The following TRANK1 variants were observed in gnomAD, a reference collection of about 807,000 sequenced individuals.
TRANK1 encodes tetratricopeptide repeat and ankyrin repeat containing 1, also known as TPR and ankyrin repeat-containing protein 1.
TRANK1 carries 198 observed loss-of-function variants against 266.0 expected under a neutral mutation model. The observed-to-expected ratio is 0.74, with a 90% CI of 0.66 to 0.84. The LOEUF (loss-of-function observed/expected upper bound fraction) is 0.84, where lower values mean the gene tolerates loss of function less well. Among genes scored for constraint, TRANK1 ranks in the 40% least tolerant of loss-of-function variants. TRANK1 has a pLI of 0.00. For missense variants in TRANK1, 3,326 were observed against 3,634.6 expected (o/e 0.92, Z 2.18); for synonymous variants, 1,396 against 1,384.1 (o/e 1.01, Z -0.19).
intron 1 of TRANK1, among the ~76,000 whole-genome samples, chr3:36,919,499 A>G (rs932125218): frequency 2.0e-5 from 3 of 152,344 alleles, no homozygotes; most frequent in African/African-American, 7.2e-5. Context: ...TTTTATTAAT[A>G]TACCACAATT....
intron 1 of TRANK1, among the ~76,000 whole-genome samples, chr3:36,942,797 C>T (rs796626078): frequency 1.5e-4 from 22 of 150,786 alleles, no homozygotes; most frequent in African/African-American, 4.4e-4. Flanking sequence ...GGGAGAGCGG[C>T]GGAAACAGAA....
chr3:36,881,819 G>A (rs371113911), intron 8 of TRANK1, among the ~76,000 whole-genome samples: 12 of 152,086 alleles, frequency 7.9e-5, no homozygotes, highest in African/African-American at 1.4e-4. Context: ...TCCTTATTCC[G>A]GACATTTCAT....
intron 1 of TRANK1, among the ~76,000 whole-genome samples, chr3:36,925,933 G>T (rs904261198): frequency 2.0e-5 from 3 of 152,072 alleles, no homozygotes; most frequent in African/African-American, 4.8e-5. Context: ...TCTACTGCAG[G>T]CTCTCAGTAA....
chr3:36,833,712 GT>G lies in TRANK1; in HGVS notation c.5870del (p.Asn1957ThrfsTer12), dbSNP rs1240043015. 2 of 1,613,994 alleles carry G rather than the reference GT, an allele frequency of 1.2e-6. No homozygotes were observed. The highest frequency in any genetic ancestry group is 3.3e-5 in the Admixed American group (2 of 60,020). On this transcript the variant is annotated frameshift_variant, in exon 22 of 24. Transcript: ENST00000645898. LOFTEE classifies it high-confidence loss of function. ...CAGCCTCTTCTCTCCTACCTTCCCTGTTCAGCAGGTCTGCAGCTTCTGCTAA... is the reference window on the plus strand; with the variant it reads ...CAGCCTCTTCTCTCCTACCTTCCCTGTCAGCAGGTCTGCAGCTTCTGCTAA... Reference protein sequence around the residue: ...KRLAEAADLLNREGRREEAAL... With the variant: ...KRLAEAADLLXREGRREEAAL...
intron 16 of TRANK1, 25 bp from the exon 17 acceptor site, chr3:36,846,429 A>G: frequency 6.3e-7 from 1 of 1,597,258 alleles, no homozygotes; most frequent in Non-Finnish European, 8.5e-7. Context: ...GAGGACAAAG[A>G]TGATGAGCCA....
intron 22 of TRANK1, 139 bp downstream of exon 22, chr3:36,830,734 A>G (rs2078681119): frequency 2.1e-6 from 2 of 974,234 alleles, no homozygotes; most frequent in African/African-American, 1.6e-5. Context: ...GAGAATATAT[A>G]TTCCTCATTT....
intron 4 of TRANK1, among the ~76,000 whole-genome samples, chr3:36,896,214 G>A (rs567322733): frequency 4.0e-4 from 61 of 152,254 alleles, no homozygotes; most frequent in Admixed American, 1.8e-3. Flanking sequence ...GTTAGTTCAT[G>A]ACAAGAAACA....
intron 9 of TRANK1, among the ~76,000 whole-genome samples, chr3:36,866,941 C>T (rs980766314): frequency 9.2e-5 from 14 of 152,164 alleles, no homozygotes; most frequent in Non-Finnish European, 1.3e-4. Flanking sequence ...CCGGGGCAAA[C>T]ACTCATTGCC....
intron 12 of TRANK1, among the ~76,000 whole-genome samples, chr3:36,858,455 A>G (rs2079089821): frequency 6.6e-6 from 1 of 152,140 alleles, no homozygotes; most frequent in South Asian, 2.1e-4. Context: ...ATATAAATAA[A>G]TGGAAAGTAT....
At position 36,855,791 on chromosome 3, in the gene TRANK1, G is replaced by T. The variant is rs766366207; in HGVS notation, c.3931C>A (p.Arg1311Ser). Residue 1311 changes from arginine to serine, a missense_variant, in exon 13 of 24, where the codon CGT (arginine) becomes AGT (serine). Transcript: ENST00000645898. Reference protein sequence around the residue: ...YSEEDKAVEMRTGDSDPRVYV... With the variant: ...YSEEDKAVEMSTGDSDPRVYV... ...ACCCGGGGGTCACTGTCACCCGTACGCATTTCTACAGCTTTATCCTCCTCA... is the reference window on the plus strand; with the variant it reads ...ACCCGGGGGTCACTGTCACCCGTACTCATTTCTACAGCTTTATCCTCCTCA... 18 of 1,613,516 alleles carry T rather than the reference G, an allele frequency of 1.1e-5. No individual in the cohort carries two copies. In the Admixed American group the frequency reaches 3.0e-4, roughly 27 times the overall value.
chr3:36,832,921 A>G lies in TRANK1; in HGVS notation c.6662T>C (p.Leu2221Ser). The G allele has an allele frequency of 3.7e-6, 6 of 1,613,616 alleles. No individual in the cohort carries two copies. The South Asian group carries it at 5.5e-5, about 15-fold the overall frequency. ...RPLRRCEAKCLVQSKMNLVAI... is the reference protein window; with the variant it reads ...RPLRRCEAKCSVQSKMNLVAI... ...CACCAAGTTCATTTTCGACTGAACT[A>G]AACACTTGGCTTCACAACGCCGCAG... The change falls in exon 22 of 24, where the codon TTA becomes TCA. Residue 2221 changes from leucine (L) to serine (S), a missense_variant. Leu to Ser is a moderately radical substitution (Grantham distance 145). Coordinates refer to ENST00000645898, the MANE Select transcript of TRANK1 (RefSeq NM_001329998.2).
In TRANK1 at chr3:36,832,361, G is replaced by A. The variant is rs765472124; in HGVS notation, c.7222C>T (p.Arg2408Trp). 25 of 1,613,926 alleles carry A rather than the reference G, an allele frequency of 1.5e-5. No individual in the cohort carries two copies. The East Asian group carries it at 1.6e-4, about 10-fold the overall frequency. Reference sequence around the variant, plus strand: ...TGATCAATGCAATTCTCCAGAAGCCGGATGAAGCACAGGTGGGTCTTGTCC... The same window carrying A: ...TGATCAATGCAATTCTCCAGAAGCCAGATGAAGCACAGGTGGGTCTTGTCC... The part of the protein sequence containing the change: ...NMDKTHLCFI[R>W]LLENCIDQFY... Residue 2408 changes from arginine (R) to tryptophan (W), a missense_variant, in exon 22 of 24, where the codon CGG becomes TGG. Physicochemically the swap from Arg to Trp is moderately radical, Grantham distance 101 (BLOSUM62 -3). Transcript: ENST00000645898.
Position 36,856,193 on chromosome 3 carries a change from C to G in TRANK1, c.3529G>C (p.Glu1177Gln). Residue 1177 changes from glutamate to glutamine, a missense_variant, in exon 13 of 24, where the codon GAA (glutamate) becomes CAA (glutamine). By Grantham distance (29) the Glu-to-Gln change is conservative. Transcript: ENST00000645898. ...VEPAGDGQAA[E>Q]VCAPEHPHQL... ...TGGGGATGTTCTGGTGCACATACTT[C>G]TGCAGCTTGGCCGTCCCCTGCTGGC... 6.2e-7 allele frequency: 1 copy of G among 1,613,974 alleles called. No homozygotes were observed. The highest frequency in any genetic ancestry group is 8.5e-7 in the Non-Finnish European group (1 of 1,179,892).
In TRANK1 at chr3:36,944,851, G is replaced by C. The variant is rs1395000245; in HGVS notation, c.-42C>G. 6.9e-7 allele frequency: 1 copy of C among 1,440,800 alleles called. No individual in the cohort carries two copies. Among genetic ancestry groups the C allele is most frequent in the African/African-American group, 1.5e-5 (1 of 67,198 alleles). 89.3% of individuals were successfully genotyped at this position (1,440,800 alleles called of 1,614,324 possible). ...TCCGCACCAGGACCGCCGCCGCCTG[G>C]GGAAGCGCTTCCCTGTGGGCAGGGC... On this transcript the variant is annotated 5_prime_UTR_variant, in exon 1 of 24. Coordinates refer to ENST00000645898, the MANE Select transcript of TRANK1 (RefSeq NM_001329998.2).
intron 1 of TRANK1, among the ~76,000 whole-genome samples, chr3:36,931,246 C>A (rs144870438): frequency 6.7e-6 from 1 of 150,310 alleles, no homozygotes; most frequent in Non-Finnish European, 1.5e-5. Flanking sequence ...CAGCACCCCC[C>A]CAAAAAACAA....
intron 1 of TRANK1, among the ~76,000 whole-genome samples, chr3:36,915,318 T>C (rs2080109846): frequency 6.6e-6 from 1 of 152,256 alleles, no homozygotes; most frequent in Non-Finnish European, 1.5e-5. Flanking sequence ...TTGATGCATA[T>C]AATGTATAAG....
rs573006294 is a variant in TRANK1, at chr3:36,853,149, C to A, written c.4550-804G>T. Among the ~76,000 whole-genome samples, 130 of 152,170 alleles carry A rather than the reference C, an allele frequency of 8.5e-4. 1 individual carries two copies. The highest frequency in any genetic ancestry group is 9.1e-4 in the Non-Finnish European group (62 of 68,034). ...GCAGGCACCTTCAAAAAAGTCATCC[C>A]ATTTAATCCTCACAACAACAAATCC... On this transcript the variant is annotated intron_variant, in intron 13 of 23. Transcript: ENST00000645898.
Position 36,879,884 on chromosome 3 carries a change from G to A in TRANK1, c.908-5588C>T, listed in dbSNP as rs191582568. Among the ~76,000 whole-genome samples the A allele has an allele frequency of 3.5e-3, 277 of 79,474 alleles. 24 individuals are homozygous for A. Among genetic ancestry groups the A allele is most frequent in the Non-Finnish European group, 4.9e-3 (216 of 44,522 alleles). 52.1% of individuals were successfully genotyped at this position (79,474 alleles called of 152,430 possible). A position where few individuals can be genotyped will look rare whatever the true frequency, so the allele number is the denominator to read the frequency against. ...AATATATGTAAACATACAAATATATGTAAACATGCAAATATATGTAAACAT... is the reference window on the plus strand; with the variant it reads ...AATATATGTAAACATACAAATATATATAAACATGCAAATATATGTAAACAT... On this transcript the variant is annotated intron_variant, in intron 8 of 23. Coordinates refer to ENST00000645898, the MANE Select transcript of TRANK1 (RefSeq NM_001329998.2).
Position 36,879,703 on chromosome 3 carries a change from AATATAAAT to A in TRANK1, c.908-5415_908-5408del, listed in dbSNP as rs1291633637. 2.3e-3 allele frequency among the ~76,000 whole-genome samples: 136 copies of A among 59,888 alleles called. 25 individuals are homozygous for A. The highest frequency in any genetic ancestry group is 9.5e-3 in the East Asian group (8 of 838). 39.3% of individuals were successfully genotyped at this position (59,888 alleles called of 152,430 possible). On this transcript the variant is annotated intron_variant, in intron 8 of 23. Coordinates refer to ENST00000645898, the MANE Select transcript of TRANK1 (RefSeq NM_001329998.2). The stretch of plus-strand genomic sequence containing the variant: ...ATAAATATATAAATATATAAATATA[AATATAAAT>A]ATATAAATATATAAATATATATAAA...
Sources: allele counts gnomAD v4.1 joint callset (sites outside exome capture counted in the v4.1 genomes callset), GRCh38; gene constraint gnomAD v4.1.1; transcripts MANE v1.5; gene names NCBI Gene and HGNC (gene_info 2026-07-23, HGNC 2026-07-21).